Variants in NDUFS4 observed in about 807,000 individuals in gnomAD.
The protein encoded by NDUFS4 is NADH dehydrogenase [ubiquinone] iron-sulfur protein 4, mitochondrial.
Under a neutral mutation model 24.3 loss-of-function variants are expected in NDUFS4, and 28 were observed. The ratio of observed to expected loss-of-function variants is 1.15; its 90% CI spans 0.85 to 1.58. The LOEUF (loss-of-function observed/expected upper bound fraction) is 1.58, where lower values mean the gene tolerates loss of function less well. Ranked by LOEUF, NDUFS4 falls within the 40% of genes most tolerant of loss-of-function variation. NDUFS4 has a pLI of 0.00. For synonymous variants in NDUFS4, 93 were observed against 69.7 expected (o/e 1.34, Z -1.67); for missense variants, 223 against 207.9 (o/e 1.07, Z -0.45).
At chr5:53,647,100 T>C (rs1424025190) in intron 3 of NDUFS4, among the ~76,000 whole-genome samples, 1 of 151,272 alleles carries the variant, frequency 6.6e-6, no homozygotes, top group East Asian at 1.9e-4. Flanking sequence ...CTTTTTTCTT[T>C]GTAAGGGGGG....
chr5:53,601,650 T>TA (rs1750329448), intron 1 of NDUFS4, among the ~76,000 whole-genome samples: 1 of 152,160 alleles, frequency 6.6e-6, no homozygotes, highest in African/African-American at 2.4e-5. Flanking sequence ...GGTCCAAAAA[T>TA]ATGCAGTGGA....
chr5:53,609,121 G>A (rs1031537841), intron 2 of NDUFS4, among the ~76,000 whole-genome samples: 8 of 152,186 alleles, frequency 5.3e-5, no homozygotes. Flanking sequence ...TCTCCTATGA[G>A]TCACAAATGT....
intron 2 of NDUFS4, among the ~76,000 whole-genome samples, chr5:53,631,556 C>T (rs1003117237): frequency 1.1e-4 from 17 of 152,166 alleles, no homozygotes; most frequent in Non-Finnish European, 2.5e-4. Context: ...ACTGGGGCTG[C>T]TTGCCTTTTG....
chr5:53,671,575 T>C (rs1185878857), intron 4 of NDUFS4, among the ~76,000 whole-genome samples: 1 of 152,236 alleles, frequency 6.6e-6, no homozygotes, highest in Non-Finnish European at 1.5e-5. Flanking sequence ...GAATATCATC[T>C]GGGGTTTCCT....
intron 2 of NDUFS4, among the ~76,000 whole-genome samples, chr5:53,628,787 C>T (rs1037144013): frequency 1.3e-5 from 2 of 152,044 alleles, no homozygotes; most frequent in Non-Finnish European, 2.9e-5. Context: ...GTCTTGCTAG[C>T]AGTCTATCTA....
intron 4 of NDUFS4, among the ~76,000 whole-genome samples, chr5:53,675,387 T>C (rs538602787): frequency 3.3e-5 from 5 of 151,994 alleles, no homozygotes; most frequent in East Asian, 3.9e-4. Context: ...TGTTCTCGAT[T>C]TCCTGACCTC....
intron 2 of NDUFS4, among the ~76,000 whole-genome samples, chr5:53,640,410 TAAAGA>T (rs1751678245): frequency 6.6e-6 from 1 of 152,078 alleles, no homozygotes; most frequent in Non-Finnish European, 1.5e-5. Context: ...GGATAATTTA[TAAAGA>T]AAAGAAATAT....
At chr5:53,593,838 A>G (rs1750049512) in intron 1 of NDUFS4, among the ~76,000 whole-genome samples, 1 of 152,088 alleles carries the variant, frequency 6.6e-6, no homozygotes, top group South Asian at 2.1e-4. Context: ...TTGATCTCCA[A>G]GTAATTGGAG....
At chr5:53,680,579 G>GTAAAC (rs1740630687) in intron 4 of NDUFS4, among the ~76,000 whole-genome samples, 1 of 152,042 alleles carries the variant, frequency 6.6e-6, no homozygotes, top group South Asian at 2.1e-4. Flanking sequence ...ATCATTCTCA[G>GTAAAC]TAAACTATCG....
intron 4 of NDUFS4, 110 bp downstream of exon 4, chr5:53,658,734 G>T: frequency 1.1e-5 from 7 of 650,946 alleles, no homozygotes; most frequent in Admixed American, 2.4e-5. Context: ...TGGTTTCATT[G>T]TATCTAATCC....
At chr5:53,679,266 T>A (rs1217475187) in intron 4 of NDUFS4, among the ~76,000 whole-genome samples, 2 of 152,136 alleles carry the variant, frequency 1.3e-5, no homozygotes, top group South Asian at 4.1e-4. Flanking sequence ...TCCCTACACA[T>A]CCTAACAATC....
chr5:53,562,690 T>C (rs929024460), intron 1 of NDUFS4, among the ~76,000 whole-genome samples: 4 of 152,196 alleles, frequency 2.6e-5, no homozygotes, highest in Non-Finnish European at 4.4e-5. Context: ...GAGGGAAATT[T>C]ATAGACCCTC....
intron 2 of NDUFS4, among the ~76,000 whole-genome samples, chr5:53,631,567 T>G (rs1751411007): frequency 1.3e-5 from 2 of 152,184 alleles, no homozygotes. Context: ...TTGCCTTTTG[T>G]TCGGTGATGC....
intron 4 of NDUFS4, among the ~76,000 whole-genome samples, chr5:53,673,321 A>G (rs1211186448): frequency 6.6e-6 from 1 of 152,174 alleles, no homozygotes; most frequent in Non-Finnish European, 1.5e-5. Flanking sequence ...GAAAGAATGT[A>G]TCTTTGTGAT....
Position 53,560,716 on chromosome 5 carries a change from G to A in NDUFS4, c.54G>A (p.Arg18=), listed in dbSNP as rs1466317777. The change falls in exon 1 of 5, where the codon AGG becomes AGA. Residue 18 remains arginine (R), a synonymous_variant. Coordinates refer to ENST00000296684, the MANE Select transcript of NDUFS4 (RefSeq NM_002495.4). Reference sequence around the variant, plus strand: ...TGAGGCAGACGTTGTGGCGGAGAAGGGCAGTGGCTGTAGCTGCCCTTTCCG... The same window carrying A: ...TGAGGCAGACGTTGTGGCGGAGAAGAGCAGTGGCTGTAGCTGCCCTTTCCG... ...VVLRQTLWRR[R]AVAVAALSVS... is the part of the protein sequence containing the mutation. 2 of 1,614,256 alleles carry A rather than the reference G, an allele frequency of 1.2e-6. No individual in the cohort carries two copies. Among genetic ancestry groups the A allele is most frequent in the South Asian group, 1.1e-5 (1 of 91,086 alleles).
At chr5:53,607,048 C>T (rs1477603928) in intron 2 of NDUFS4, among the ~76,000 whole-genome samples, 3 of 152,164 alleles carry the variant, frequency 2.0e-5, no homozygotes, top group African/African-American at 7.2e-5. Flanking sequence ...TTTTTACCTG[C>T]AGTTGATTTA....
intron 1 of NDUFS4, among the ~76,000 whole-genome samples, chr5:53,572,957 GTT>G (rs796960315): frequency 9.7e-6 from 1 of 103,290 alleles, no homozygotes; most frequent in African/African-American, 3.6e-5. Flanking sequence ...GTTGTTTTTT[GTT>G]TTTTTTTTTT....
intron 2 of NDUFS4, among the ~76,000 whole-genome samples, chr5:53,619,754 C>T (rs949751577): frequency 6.6e-6 from 1 of 151,728 alleles, no homozygotes; most frequent in Non-Finnish European, 1.5e-5. Flanking sequence ...GTTTTTTATC[C>T]TGTTTTTCAC....
chr5:53,645,469 A>G (rs988247712), intron 2 of NDUFS4, among the ~76,000 whole-genome samples: 4 of 152,190 alleles, frequency 2.6e-5, no homozygotes, highest in Non-Finnish European at 4.4e-5. Context: ...GTTTTGATAA[A>G]TGTATCTACT....
Sources: gnomAD v4.1 joint callset for allele counts (sites outside exome capture counted in the v4.1 genomes callset) on GRCh38, gnomAD v4.1.1 for gene constraint, MANE v1.5 for transcripts, NCBI Gene and HGNC (gene_info 2026-07-23, HGNC 2026-07-21) for gene names.